MTX2: variants seen among roughly 807,000 people sequenced by gnomAD.
MTX2 encodes the protein metaxin 2.
In MTX2, 35 loss-of-function variants were observed where a neutral mutation model predicts 42.3. The observed-to-expected ratio is 0.83, with a 90% confidence interval of 0.63 to 1.10. The LOEUF is 1.10. MTX2 is among the 50% of genes least tolerant of loss of function. The pLI, the probability that MTX2 is intolerant of heterozygous loss-of-function variation, is 0.00. For missense variants in MTX2, 307 were observed against 304.1 expected, an observed-to-expected ratio of 1.01 and a Z score of -0.07; for synonymous variants, 119 against 100.9, an observed-to-expected ratio of 1.18 and a Z score of -1.08.
intron 3 of MTX2, among the ~76,000 whole-genome samples, chr2:176,301,076 T>C (rs1382021193): frequency 1.3e-5 from 2 of 152,160 alleles, no homozygotes; most frequent in South Asian, 2.1e-4. Context: ...ACATTAACTT[T>C]TGTATCATTC....
intron 1 of MTX2, among the ~76,000 whole-genome samples, chr2:176,283,552 C>G (rs1693128189): frequency 6.6e-6 from 1 of 152,004 alleles, no homozygotes; most frequent in Non-Finnish European, 1.5e-5. Flanking sequence ...ATAATTTGTT[C>G]TATAACTAGC....
intron 3 of MTX2, among the ~76,000 whole-genome samples, chr2:176,302,461 G>A (rs972984646): frequency 2.6e-5 from 4 of 151,926 alleles, no homozygotes; most frequent in Admixed American, 6.6e-5. Flanking sequence ...TTTTGAGATG[G>A]AGTCTAGCTC....
chr2:176,329,414 G>T lies in MTX2; in HGVS notation c.531G>T (p.Lys177Asn). The T allele has an allele frequency of 6.2e-7, 1 of 1,606,734 alleles. No homozygotes were observed. The highest frequency in any genetic ancestry group is 1.1e-5 in the South Asian group (1 of 90,688). ...RKMKAIGWGK[K>N]TLDQVLEDVD... ...TGAAAGCTATTGGATGGGGAAAGAA[G>T]ACTCTGGACCAGGTCAGTTCAGGTT... The change falls in exon 8 of 10, where the codon AAG becomes AAT. Residue 177 changes from lysine (K) to asparagine (N), a missense_variant. Physicochemically the swap from Lys to Asn is moderately conservative, Grantham distance 94. Coordinates refer to ENST00000249442, the MANE Select transcript of MTX2 (RefSeq NM_006554.5).
chr2:176,283,948 T>C (rs1173667980), intron 1 of MTX2, among the ~76,000 whole-genome samples: 2 of 152,160 alleles, frequency 1.3e-5, no homozygotes, highest in African/African-American at 2.4e-5. Context: ...GAAAAACTCA[T>C]AGTATCAGTG....
At chr2:176,281,682 A>G (rs1208687710) in intron 1 of MTX2, among the ~76,000 whole-genome samples, 3 of 152,186 alleles carry the variant, frequency 2.0e-5, no homozygotes, top group Non-Finnish European at 1.5e-5. Context: ...CTTTGCCACA[A>G]TAACCAAGGT....
At chr2:176,331,031 A>T (rs13407135) in intron 9 of MTX2, among the ~76,000 whole-genome samples, 1 of 151,312 alleles carries the variant, frequency 6.6e-6, no homozygotes, top group African/African-American at 2.4e-5. Context: ...ATGGTTTTCT[A>T]TATAGAATGA....
intron 1 of MTX2, among the ~76,000 whole-genome samples, chr2:176,290,224 A>C (rs1693297200): frequency 6.6e-6 from 1 of 152,066 alleles, no homozygotes; most frequent in East Asian, 1.9e-4. Flanking sequence ...GAAAGTATGA[A>C]GTTTGTGGGG....
rs1693302624 is a variant in MTX2, at chr2:176,290,499, G to T, written c.41-6361G>T. Among the ~76,000 whole-genome samples, 3 of 152,318 alleles carry T rather than the reference G, an allele frequency of 2.0e-5. 1 individual carries two copies. In the South Asian group the frequency reaches 6.2e-4, roughly 32 times the overall value. On this transcript the variant is annotated intron_variant, in intron 1 of 9. Transcript: ENST00000249442. ...GATGAGATGTATGTAGGAGCAAGGG[G>T]TGATTACTGACTTTGTCTGACCTTG...
chr2:176,271,782 A>G (rs896232113), intron 1 of MTX2, among the ~76,000 whole-genome samples: 2 of 152,234 alleles, frequency 1.3e-5, no homozygotes, highest in African/African-American at 2.4e-5. Context: ...TGTAAAGACC[A>G]GTACTTAAAG....
rs752678493 is a variant in MTX2, at chr2:176,329,383, G to A, written c.500G>A (p.Arg167His). Residue 167 changes from arginine (R) to histidine (H), a missense_variant, in exon 8 of 10, where the codon CGT (arginine) becomes CAT (histidine). Physicochemically the swap from Arg to His is conservative, Grantham distance 29. Transcript: ENST00000249442. ...TATCAAAAACAGTGGGAAGTCAAAC[G>A]TAAGATGAAAGCTATTGGATGGGGA... ...LAYQKQWEVKRKMKAIGWGKK... is the reference protein window; with the variant it reads ...LAYQKQWEVKHKMKAIGWGKK... 1.4e-5 allele frequency: 22 copies of A among 1,607,566 alleles called. No individual in the cohort carries two copies. The highest frequency in any genetic ancestry group is 5.5e-5 in the South Asian group (5 of 90,782).
chr2:176,312,707 C>G (rs1226379798), intron 3 of MTX2, among the ~76,000 whole-genome samples: 1 of 151,390 alleles, frequency 6.6e-6, no homozygotes, highest in Non-Finnish European at 1.5e-5. Context: ...CTACTAAATA[C>G]AAAAAATTAG....
At position 176,306,715 on chromosome 2, in the gene MTX2, A is replaced by G. The variant is rs146732240; in HGVS notation, c.135+8820A>G. On this transcript the variant is annotated intron_variant, in intron 3 of 9. Coordinates refer to ENST00000249442, the MANE Select transcript of MTX2 (RefSeq NM_006554.5). ...TTGGCTGCGTAGATGTCTTCTTTTG[A>G]GAAGTGTCTGTTCATATCCTTTGCT... is the stretch of plus-strand genomic sequence containing the variant. Among the ~76,000 whole-genome samples the G allele has an allele frequency of 8.9e-4, 136 of 152,242 alleles. No individual in the cohort carries two copies. In the East Asian group the frequency reaches 0.024, roughly 27 times the overall value.
chr2:176,280,590 G>C (rs967924799), intron 1 of MTX2, among the ~76,000 whole-genome samples: 2 of 152,074 alleles, frequency 1.3e-5, no homozygotes, highest in Non-Finnish European at 2.9e-5. Context: ...CTTTCCACAA[G>C]GTCAGACTTC....
chr2:176,277,101 G>A (rs1575030725), intron 1 of MTX2, among the ~76,000 whole-genome samples: 1 of 152,108 alleles, frequency 6.6e-6, no homozygotes, highest in Admixed American at 6.5e-5. Context: ...CCATATGTAC[G>A]CATCTTGAAA....
Position 176,330,592 on chromosome 2 carries a change from G to A in MTX2, c.552G>A (p.Glu184=), listed in dbSNP as rs753347629. Reference sequence around the variant, plus strand: ...TTCATTGCCTGTGTTAGGTCTTAGAGGATGTAGACCAGTGCTGTCAAGCTC... The same window carrying A: ...TTCATTGCCTGTGTTAGGTCTTAGAAGATGTAGACCAGTGCTGTCAAGCTC... The part of the protein sequence containing the change: ...WGKKTLDQVL[E]DVDQCCQALS... The change falls in exon 9 of 10, where the codon GAG becomes GAA. Residue 184 remains glutamate, a synonymous_variant. Coordinates refer to ENST00000249442, the MANE Select transcript of MTX2 (RefSeq NM_006554.5). The A allele has an allele frequency of 1.9e-6, 3 of 1,574,156 alleles. No homozygotes were observed. Among genetic ancestry groups the A allele is most frequent in the African/African-American group, 1.3e-5 (1 of 74,110 alleles).
chr2:176,270,111 A>T (rs932105467), intron 1 of MTX2: 11 of 293,132 alleles, frequency 3.8e-5, no homozygotes, highest in Middle Eastern at 1.3e-3. Context: ...GGAACACCAG[A>T]CTTCTTGCTT....
intron 3 of MTX2, among the ~76,000 whole-genome samples, chr2:176,313,019 T>A (rs1403505937): frequency 1.3e-5 from 2 of 151,960 alleles, no homozygotes; most frequent in African/African-American, 4.8e-5. Flanking sequence ...ACATAATAAT[T>A]ATTTTAATTT....
intron 1 of MTX2, among the ~76,000 whole-genome samples, chr2:176,275,274 T>TCC (rs1174114819): frequency 6.6e-6 from 1 of 152,024 alleles, no homozygotes; most frequent in East Asian, 1.9e-4. Flanking sequence ...ATTTTACTCT[T>TCC]GTCACCCAGG....
chr2:176,295,449 T>C (rs1683837557), intron 1 of MTX2, among the ~76,000 whole-genome samples: 1 of 152,190 alleles, frequency 6.6e-6, no homozygotes, highest in Non-Finnish European at 1.5e-5. Context: ...AATTTTACTT[T>C]GTTAAAAGTT....
Sources: allele counts gnomAD v4.1 joint callset (sites outside exome capture counted in the v4.1 genomes callset), GRCh38; gene constraint gnomAD v4.1.1; transcripts MANE v1.5; gene names NCBI Gene and HGNC (gene_info 2026-07-23, HGNC 2026-07-21).